The following CD244 variants were observed in gnomAD, a reference collection of about 807,000 sequenced individuals.
CD244 encodes the protein CD244 molecule.
In CD244, 20 loss-of-function variants were observed where a neutral mutation model predicts 45.5. The observed-to-expected ratio is 0.44, with a 90% CI of 0.31 to 0.64. CD244 has a LOEUF of 0.64. CD244 is among the 30% of genes least tolerant of loss of function. CD244 has a pLI of 0.08. For synonymous variants in CD244, 185 were observed against 160.5 expected, an observed-to-expected ratio of 1.15 and a Z score of -1.15; for missense variants, 407 against 426.9, an observed-to-expected ratio of 0.95 and a Z score of 0.41.
chr1:160,849,968 C>T (rs889635417), intron 1 of CD244, among the ~76,000 whole-genome samples: 3 of 151,908 alleles, frequency 2.0e-5, no homozygotes, highest in African/African-American at 7.3e-5. Flanking sequence ...GCCAAGATGG[C>T]ACCATTGCAC....
chr1:160,843,246 A>G (rs1010337225), intron 1 of CD244, among the ~76,000 whole-genome samples: 11 of 152,228 alleles, frequency 7.2e-5, no homozygotes, highest in African/African-American at 2.7e-4. Context: ...TTATATTTAT[A>G]TGACTTGTAC....
chr1:160,835,314 G>A (rs1407756647), intron 6 of CD244, among the ~76,000 whole-genome samples: 2 of 152,078 alleles, frequency 1.3e-5, no homozygotes, highest in Non-Finnish European at 2.9e-5. Context: ...GAAACCCTTT[G>A]GCTCAGCTCT....
Position 160,831,283 on chromosome 1 carries a change from A to C in CD244, c.*64T>G, listed in dbSNP as rs1163088997. 1.7e-6 allele frequency: 2 copies of C among 1,168,720 alleles called. No individual in the cohort carries two copies. The highest frequency in any genetic ancestry group is 2.3e-5 in the East Asian group (1 of 42,784). The allele number at this position is 1,168,720 out of a possible 1,614,324, so 72.4% of individuals were successfully genotyped here. On this transcript the variant is annotated 3_prime_UTR_variant, in exon 9 of 9. Coordinates refer to ENST00000368034, the MANE Select transcript of CD244 (RefSeq NM_016382.4). ...GTTCTATAGAGACTCCTGTGCCGTC[A>C]TCCACTGTGCCAATTCCCAAAGCAG...
chr1:160,835,961 T>C (rs1363026727), intron 6 of CD244, among the ~76,000 whole-genome samples: 1 of 152,216 alleles, frequency 6.6e-6, no homozygotes, highest in Non-Finnish European at 1.5e-5. Flanking sequence ...CCAGACCTTC[T>C]GCCAGACACG....
chr1:160,835,572 A>G (rs931394851), intron 6 of CD244, among the ~76,000 whole-genome samples: 2 of 152,154 alleles, frequency 1.3e-5, no homozygotes, highest in Non-Finnish European at 2.9e-5. Flanking sequence ...TGATTCTACC[A>G]TTGCACTCAG....
chr1:160,847,459 C>T (rs931331574), intron 1 of CD244, among the ~76,000 whole-genome samples: 2 of 152,096 alleles, frequency 1.3e-5, no homozygotes, highest in South Asian at 2.1e-4. Flanking sequence ...TGCATTAAAA[C>T]AAGTGTCAAC....
At chr1:160,848,327 A>G in intron 1 of CD244, 2 of 593,208 alleles carry the variant, frequency 3.4e-6, no homozygotes, top group Admixed American at 1.9e-5. Context: ...TGGACCCAAC[A>G]CAAATAGTTC....
chr1:160,832,440 C>T, intron 8 of CD244, 79 bp downstream of exon 8: 2 of 845,340 alleles, frequency 2.4e-6, no homozygotes, highest in East Asian at 2.4e-5. Flanking sequence ...ATGATCTTTT[C>T]CTAAGTGTAC....
At chr1:160,855,685 C>T (rs796481746) in intron 1 of CD244, among the ~76,000 whole-genome samples, 2 of 152,198 alleles carry the variant, frequency 1.3e-5, no homozygotes, top group East Asian at 3.9e-4. Flanking sequence ...TCCAGGAAGG[C>T]CCCCGGGCCC....
intron 6 of CD244, 60 bp from the exon 7 acceptor site, chr1:160,834,176 G>A (rs373684802): frequency 2.3e-4 from 288 of 1,262,646 alleles, no homozygotes; most frequent in Middle Eastern, 9.3e-4. Flanking sequence ...TCTTACAAAG[G>A]TTATCTCTTC....
chr1:160,835,357 A>T (rs1184219249), intron 6 of CD244, among the ~76,000 whole-genome samples: 1 of 152,192 alleles, frequency 6.6e-6, no homozygotes, highest in African/African-American at 2.4e-5. Flanking sequence ...TTGAGATATC[A>T]GTTGACCTGA....
chr1:160,830,438 C>G lies in CD244; in HGVS notation c.*909G>C, dbSNP rs1453418388. ...ACCCAGCATAGTGTCTAGATTCCAA[C>G]TGCCTCATTCTCAGCCCTCAGCTGC... On this transcript the variant is annotated 3_prime_UTR_variant, in exon 9 of 9. Transcript: ENST00000368034. 2.0e-5 allele frequency: 3 copies of G among 152,396 alleles called. No homozygotes were observed. Among genetic ancestry groups the G allele is most frequent in the Non-Finnish European group, 4.4e-5 (3 of 68,092 alleles). 9.4% of individuals were successfully genotyped at this position (152,396 alleles called of 1,614,324 possible). A position where few individuals can be genotyped will look rare whatever the true frequency, so the allele number is the denominator to read the frequency against.
intron 1 of CD244, among the ~76,000 whole-genome samples, chr1:160,845,466 C>A (rs1669696949): frequency 6.6e-6 from 1 of 152,090 alleles, no homozygotes; most frequent in African/African-American, 2.4e-5. Context: ...GAAAGAGGAA[C>A]TAAGCAAAAG....
intron 1 of CD244, among the ~76,000 whole-genome samples, chr1:160,847,734 A>G (rs1400366307): frequency 6.6e-6 from 1 of 152,208 alleles, no homozygotes; most frequent in Non-Finnish European, 1.5e-5. Context: ...ATATTGGAAA[A>G]GAAAGAAAGT....
chr1:160,841,128 A>G, intron 3 of CD244, 82 bp downstream of exon 3: 1 of 1,391,354 alleles, frequency 7.2e-7, no homozygotes, highest in Non-Finnish European at 1.0e-6. Flanking sequence ...ATTTTATCTC[A>G]TACCACATCT....
At chr1:160,855,419 G>A (rs1438990606) in intron 1 of CD244, among the ~76,000 whole-genome samples, 1 of 152,152 alleles carries the variant, frequency 6.6e-6, no homozygotes, top group African/African-American at 2.4e-5. Context: ...TTCCATGGAC[G>A]GCCTGGAAGG....
chr1:160,862,589 C>T (rs186849603), intron 1 of CD244, 28 bp downstream of exon 1: 266 of 1,605,830 alleles, frequency 1.7e-4, no homozygotes, highest in African/African-American at 1.3e-3. Context: ...GTCCCTCCCT[C>T]GCCCCACGCC....
chr1:160,843,763 G>A (rs1178197006), intron 1 of CD244, among the ~76,000 whole-genome samples: 1 of 152,200 alleles, frequency 6.6e-6, no homozygotes, highest in Non-Finnish European at 1.5e-5. Context: ...GAAAAATTAT[G>A]GGGCCAATAT....
chr1:160,855,071 C>G (rs2101892336), intron 1 of CD244, among the ~76,000 whole-genome samples: 1 of 152,234 alleles, frequency 6.6e-6, no homozygotes, highest in South Asian at 2.1e-4. Context: ...GCAAATGTGG[C>G]CATTTACAGG....
Sources: allele counts gnomAD v4.1 joint callset (sites outside exome capture counted in the v4.1 genomes callset), GRCh38; gene constraint gnomAD v4.1.1; transcripts MANE v1.5; gene names NCBI Gene and HGNC (gene_info 2026-07-23, HGNC 2026-07-21).